The following NCOR1 variants were observed in gnomAD, a reference collection of about 807,000 sequenced individuals.
NCOR1 encodes the protein nuclear receptor corepressor 1, also known as protein phosphatase 1, regulatory subunit 109.
In NCOR1, 63 loss-of-function variants were observed where a neutral mutation model predicts 288.1. The observed-to-expected ratio is 0.22, with a 90% CI of 0.18 to 0.27. NCOR1 has a LOEUF of 0.27. Among genes scored for constraint, NCOR1 ranks in the 10% least tolerant of loss-of-function variants. NCOR1 has a pLI of 1.00. For missense variants in NCOR1, 2,397 were observed against 3,019.2 expected (o/e 0.79, Z 4.83); for synonymous variants, 1,007 against 1,065.9 (o/e 0.94, Z 1.08).
At chr17:16,059,898 C>G (rs375029126) in intron 37 of NCOR1, among the ~76,000 whole-genome samples, 1 of 152,168 alleles carries the variant, frequency 6.6e-6, no homozygotes, top group Non-Finnish European at 1.5e-5. Flanking sequence ...ATAAATGGAA[C>G]AGAAATGATC....
chr17:16,210,991 A>G (rs1267848665), intron 1 of NCOR1, among the ~76,000 whole-genome samples: 1 of 152,096 alleles, frequency 6.6e-6, no homozygotes, highest in Non-Finnish European at 1.5e-5. Context: ...TCGGCCTCCC[A>G]AAGTGCTGAG....
At chr17:16,186,465 TTAA>T in intron 3 of NCOR1, 86 bp downstream of exon 3, 1 of 1,383,998 alleles carries the variant, frequency 7.2e-7, no homozygotes, top group Non-Finnish European at 9.7e-7. Context: ...CATGGCTTGG[TTAA>T]TAAAAAGTAA....
intron 3 of NCOR1, among the ~76,000 whole-genome samples, chr17:16,178,647 G>A (rs564047188): frequency 2.0e-5 from 3 of 151,972 alleles, no homozygotes; most frequent in Admixed American, 6.6e-5. Context: ...TTCTTTCCGT[G>A]AATCCCACTT....
At chr17:16,036,821 T>C (rs1485919471) in intron 44 of NCOR1, among the ~76,000 whole-genome samples, 1 of 152,240 alleles carries the variant, frequency 6.6e-6, no homozygotes, top group East Asian at 1.9e-4. Context: ...TAAAATCTTC[T>C]GTGTGTCACG....
chr17:16,176,451 T>C (rs2084211326), intron 3 of NCOR1, among the ~76,000 whole-genome samples: 2 of 152,004 alleles, frequency 1.3e-5, no homozygotes, highest in Non-Finnish European at 2.9e-5. Context: ...ATATTTTTAG[T>C]AGAGACAGGG....
chr17:16,154,015 CTTT>C (rs61436082), intron 6 of NCOR1, among the ~76,000 whole-genome samples: 167 of 109,672 alleles, frequency 1.5e-3, no homozygotes, highest in Middle Eastern at 7.5e-3. Context: ...ATGCTATTTC[CTTT>C]TTTTTTTTTT....
chr17:16,098,371 G>A lies in NCOR1; in HGVS notation c.2816C>T (p.Pro939Leu), dbSNP rs2152973369. ...TTCCTCACAATAAAAACTTACCATT[G>A]GTGGGATAACAGCAGCTCGATGCTG... ...QLQHRAAVIPPMVSCTPCNIP... is the reference protein window; with the variant it reads ...QLQHRAAVIPLMVSCTPCNIP... Residue 939 changes from proline to leucine, a missense_variant, in exon 21 of 46, where the codon CCA (proline) becomes CTA (leucine). By Grantham distance (98) the Pro-to-Leu change is moderately conservative (BLOSUM62 -3). Coordinates refer to ENST00000268712, the MANE Select transcript of NCOR1 (RefSeq NM_006311.4). The A allele has an allele frequency of 1.2e-6, 2 of 1,613,208 alleles. No homozygotes were observed. The highest frequency in any genetic ancestry group is 1.7e-6 in the Non-Finnish European group (2 of 1,179,816).
chr17:16,089,458 C>G (rs1403323451), intron 22 of NCOR1, among the ~76,000 whole-genome samples: 3 of 151,850 alleles, frequency 2.0e-5, no homozygotes, highest in Non-Finnish European at 4.4e-5. Context: ...TTTTTTCAAC[C>G]TTTTCTACAG....
intron 19 of NCOR1, among the ~76,000 whole-genome samples, chr17:16,102,488 A>G (rs539880050): frequency 6.6e-5 from 10 of 152,206 alleles, no homozygotes; most frequent in South Asian, 2.1e-4. Context: ...TATATGTGAA[A>G]TATCATTTTA....
chr17:16,139,331 A>C (rs2076845726), intron 11 of NCOR1, 145 bp from the exon 12 acceptor site: 1 of 544,186 alleles, frequency 1.8e-6, no homozygotes, highest in Non-Finnish European at 3.2e-6. Flanking sequence ...TCTAACATAC[A>C]ATAATTACTC....
rs371454983 is a variant in NCOR1 at position 16,101,309 on chromosome 17, A to G, written c.2631T>C (p.Asn877=). 8.7e-6 allele frequency: 14 copies of G among 1,613,742 alleles called. No individual in the cohort carries two copies. Among genetic ancestry groups the G allele is most frequent in the Admixed American group, 1.7e-5 (1 of 59,986 alleles). The change falls in exon 20 of 46, where the codon AAT becomes AAC. Residue 877 remains asparagine (N), a synonymous_variant. Transcript: ENST00000268712. The part of the protein sequence containing the change: ...NAQRPEPQSD[N]DSSATCSADE... The stretch of plus-strand genomic sequence containing the variant: ...CAGCGCTGCACGTGGCACTGGAATC[A>G]TTGTCTGACTGGGGCTCGGGCCTTT...
At position 16,031,487 on chromosome 17, in the gene NCOR1, C is replaced by T. The variant is rs1351212035; in HGVS notation, c.*809G>A. 1.5e-5 allele frequency: 3 copies of T among 201,288 alleles called. No homozygotes were observed. Among genetic ancestry groups the T allele is most frequent in the African/African-American group, 6.9e-5 (3 of 43,528 alleles). The allele number at this position is 201,288 out of a possible 1,614,324, so 12.5% of individuals were successfully genotyped here. On this transcript the variant is annotated 3_prime_UTR_variant, in exon 46 of 46. Coordinates refer to ENST00000268712, the MANE Select transcript of NCOR1 (RefSeq NM_006311.4). ...GCAGGAGAAAAGGAATACTTAGGGGCATGGTTAAATTACCAGTGTGCGTAA... is the reference window on the plus strand; with the variant it reads ...GCAGGAGAAAAGGAATACTTAGGGGTATGGTTAAATTACCAGTGTGCGTAA...
In NCOR1 at chr17:16,088,198, GAATA is replaced by G. The variant is rs201146315; in HGVS notation, c.3017-1760_3017-1757del. On this transcript the variant is annotated intron_variant, in intron 22 of 45. Transcript: ENST00000268712. The stretch of plus-strand genomic sequence containing the variant: ...ATTGAGTACTTCCTCTCAAAACAAA[GAATA>G]AATAGAATTTTCATTAGACTTGTAT... Among the ~76,000 whole-genome samples, 999 of 152,038 alleles carry G rather than the reference GAATA, an allele frequency of 6.6e-3. 18 individuals carry two copies. The highest frequency in any genetic ancestry group is 0.022 in the African/African-American group (914 of 41,512).
chr17:16,115,444 G>T (rs1349927148), intron 18 of NCOR1, among the ~76,000 whole-genome samples: 1 of 152,108 alleles, frequency 6.6e-6, no homozygotes. Flanking sequence ...TTTCTATCAC[G>T]TTGTTAGGCT....
chr17:16,061,664 A>G lies in NCOR1; in HGVS notation c.5618T>C (p.Val1873Ala). ...QQQLEQKTLE[V>A]EKRSVQCLYT... is the part of the protein sequence containing the mutation. The stretch of plus-strand genomic sequence containing the variant: ...TAAACACTGAACAGATCTCTTCTCC[A>G]CCTCCAGGGTTTTCTGCTCTAGCTG... The change falls in exon 37 of 46, where the codon GTG becomes GCG. Residue 1873 changes from valine to alanine, a missense_variant. Physicochemically the swap from Val to Ala is moderately conservative, Grantham distance 64. Coordinates refer to ENST00000268712, the MANE Select transcript of NCOR1 (RefSeq NM_006311.4). The G allele has an allele frequency of 1.2e-6, 2 of 1,614,128 alleles. No individual in the cohort carries two copies. The highest frequency in any genetic ancestry group is 2.2e-5 in the South Asian group (2 of 91,082).
At chr17:16,075,391 A>G (rs560348715) in intron 27 of NCOR1, 143 bp downstream of exon 27, 1 of 857,498 alleles carries the variant, frequency 1.2e-6, no homozygotes, top group African/African-American at 1.7e-5. Flanking sequence ...TGAGACAAGT[A>G]TTACTAACCC....
At chr17:16,046,824 G>A in intron 42 of NCOR1, 127 bp downstream of exon 42, 1 of 1,104,264 alleles carries the variant, frequency 9.1e-7, no homozygotes, top group South Asian at 1.6e-5. Context: ...GGAACTCTAG[G>A]ATCAGATGTG....
chr17:16,061,934 C>A, intron 36 of NCOR1, 40 bp from the exon 37 acceptor site: 1 of 1,571,276 alleles, frequency 6.4e-7, no homozygotes, highest in Non-Finnish European at 8.6e-7. Flanking sequence ...GAAGGGAAGA[C>A]CATTTGCTGG....
chr17:16,141,244 G>C (rs970071613), intron 11 of NCOR1, among the ~76,000 whole-genome samples: 2 of 152,042 alleles, frequency 1.3e-5, no homozygotes, highest in Non-Finnish European at 2.9e-5. Context: ...TTGAGTGTGG[G>C]ATATACCTCT....
Sources: allele counts gnomAD v4.1 joint callset (sites outside exome capture counted in the v4.1 genomes callset), GRCh38; gene constraint gnomAD v4.1.1; transcripts MANE v1.5; gene names NCBI Gene and HGNC (gene_info 2026-07-23, HGNC 2026-07-21).